Variants in LPIN1 observed in about 807,000 individuals in gnomAD.
The protein encoded by LPIN1 is lipin 1, also known as phosphatidate phosphatase LPIN1.
In LPIN1, 71 loss-of-function variants were observed where a neutral mutation model predicts 107.5. That is an observed-to-expected ratio of 0.66 (90% CI 0.55 to 0.80). The LOEUF (loss-of-function observed/expected upper bound fraction) is 0.80, where lower values mean the gene tolerates loss of function less well. LPIN1 is among the 30% of genes least tolerant of loss of function. The probability of loss-of-function intolerance (pLI) is 0.00; values close to 1 mark genes in which losing one functional copy is unlikely to be tolerated. For synonymous variants in LPIN1, 445 were observed against 452.6 expected (o/e 0.98, Z 0.21); for missense variants, 1,043 against 1,160.6 (o/e 0.90, Z 1.47).
chr2:11,753,807 A>T (rs761990810), intron 1 of LPIN1, among the ~76,000 whole-genome samples: 1 of 152,258 alleles, frequency 6.6e-6, no homozygotes, highest in African/African-American at 2.4e-5. Flanking sequence ...TGCAAGTCTT[A>T]TTAGTCATGA....
chr2:11,739,685 C>T (rs1223340442), intron 1 of LPIN1, among the ~76,000 whole-genome samples: 1 of 152,158 alleles, frequency 6.6e-6, no homozygotes, highest in Non-Finnish European at 1.5e-5. Flanking sequence ...AATCTAGCCA[C>T]CAACAGTACA....
upstream of LPIN1, among the ~76,000 whole-genome samples, chr2:11,719,764 T>A (rs1296486151): frequency 1.3e-5 from 2 of 151,194 alleles, no homozygotes; most frequent in Non-Finnish European, 2.9e-5. Context: ...AGAAATGCAC[T>A]GTGGTGGCTG....
At chr2:11,802,407 G>GAA (rs1195533524) in intron 14 of LPIN1, among the ~76,000 whole-genome samples, 4 of 152,124 alleles carry the variant, frequency 2.6e-5, no homozygotes, top group Admixed American at 2.6e-4. Context: ...AAGAATTGGT[G>GAA]AGTCTTTCTT....
intron 1 of LPIN1, among the ~76,000 whole-genome samples, chr2:11,699,657 T>A (rs1190415292): frequency 6.6e-6 from 1 of 152,170 alleles, no homozygotes; most frequent in Non-Finnish European, 1.5e-5. Flanking sequence ...AGCCACTCAC[T>A]GTTTCCTTAG....
intron 1 of LPIN1, among the ~76,000 whole-genome samples, chr2:11,700,806 C>T (rs577013014): frequency 3.3e-5 from 5 of 152,324 alleles, no homozygotes; most frequent in Admixed American, 1.3e-4. Flanking sequence ...ACGGAGCACA[C>T]GATTCGTCCT....
chr2:11,743,494 A>T (rs535855759), upstream of LPIN1, among the ~76,000 whole-genome samples: 2 of 152,150 alleles, frequency 1.3e-5, no homozygotes, highest in East Asian at 3.9e-4. This position sits in a 1 kb window ranked among gnomAD's most constrained non-coding sequence, Gnocchi z 4.7. Context: ...CCTGCCACCA[A>T]GGTAGTGAAG....
Position 11,694,312 on chromosome 2 carries a change from C to T in LPIN1, c.81+16584C>T, listed in dbSNP as rs774627768. 3.9e-5 allele frequency among the ~76,000 whole-genome samples: 6 copies of T among 152,128 alleles called. No homozygotes were observed. In the South Asian group the frequency reaches 6.2e-4, roughly 16 times the overall value. On this transcript the variant is annotated intron_variant, in intron 1 of 21. Transcript: ENST00000449576. ...TGAGGTTTAGGTTGTTATTGTTACT[C>T]GAGCCTATCTGAGAGGCTCATGCAA...
intron 1 of LPIN1, among the ~76,000 whole-genome samples, chr2:11,705,074 CA>C (rs1192845711): frequency 1.3e-5 from 2 of 152,190 alleles, no homozygotes; most frequent in Non-Finnish European, 2.9e-5. Context: ...CTACAGAGAT[CA>C]ATACCACCTT....
At position 11,821,565 on chromosome 2, in the gene LPIN1, G is replaced by A. The variant is rs114670557; in HGVS notation, c.2621+1051G>A. ...TTAGTGGCCCCAGATAGCCCGAGGGGTTCCTCTTTATCTGGAGGAGTTAGA... is the reference window on the plus strand; with the variant it reads ...TTAGTGGCCCCAGATAGCCCGAGGGATTCCTCTTTATCTGGAGGAGTTAGA... On this transcript the variant is annotated intron_variant, in intron 20 of 20. Coordinates refer to ENST00000674199, the MANE Select transcript of LPIN1 (RefSeq NM_001349206.2). 5.5e-3 allele frequency among the ~76,000 whole-genome samples: 840 copies of A among 152,296 alleles called. 8 individuals are homozygous for A. The highest frequency in any genetic ancestry group is 0.019 in the African/African-American group (792 of 41,558).
At chr2:11,686,666 C>T (rs1034332352) in intron 1 of LPIN1, among the ~76,000 whole-genome samples, 13 of 152,140 alleles carry the variant, frequency 8.5e-5, no homozygotes, top group Non-Finnish European at 1.3e-4. Flanking sequence ...CCTTCTCATG[C>T]GAGCGAGCAA....
rs577719784 is a variant in LPIN1 at position 11,802,895 on chromosome 2, T to C, written c.1887-12T>C. 17 of 1,612,666 alleles carry C rather than the reference T, an allele frequency of 1.1e-5. No homozygotes were observed. The African/African-American group carries it at 2.0e-4, about 19-fold the overall frequency. Reference sequence around the variant, plus strand: ...ATTTTCTAATTGGTGATGACATCACTGTGTGTTCCAGGGTAAAGCATGAAT... The same window carrying C: ...ATTTTCTAATTGGTGATGACATCACCGTGTGTTCCAGGGTAAAGCATGAAT... On this transcript the variant is annotated splice_polypyrimidine_tract_variant and intron_variant, in intron 14 of 20. Coordinates refer to ENST00000674199, the MANE Select transcript of LPIN1 (RefSeq NM_001349206.2).
At chr2:11,753,707 G>T (rs1181002472) in intron 1 of LPIN1, among the ~76,000 whole-genome samples, 1 of 152,222 alleles carries the variant, frequency 6.6e-6, no homozygotes, top group East Asian at 1.9e-4. Flanking sequence ...TTAAGTATCA[G>T]TCCACAATGC....
intron 1 of LPIN1, among the ~76,000 whole-genome samples, chr2:11,703,600 G>A (rs55864809): frequency 0.18 from 27,319 of 152,114 alleles, 3,182 homozygotes; most frequent in South Asian, 0.26. Context: ...AAACGGGCAC[G>A]TATCAAACTC....
Position 11,760,902 on chromosome 2 carries a change from T to TG in LPIN1, c.-9-4624dup, listed in dbSNP as rs574364599. Among the ~76,000 whole-genome samples, 360 of 151,766 alleles carry TG rather than the reference T, an allele frequency of 2.4e-3. 1 individual carries two copies. The highest frequency in any genetic ancestry group is 8.3e-3 in the African/African-American group (345 of 41,352). ...TGCAAGGGTGATGAAGGCAAAGAGA[T>TG]GGGGGGGACATGAGAAGGAGCTTCA... is the stretch of plus-strand genomic sequence containing the variant. On this transcript the variant is annotated intron_variant, in intron 1 of 20. Coordinates refer to ENST00000674199, the MANE Select transcript of LPIN1 (RefSeq NM_001349206.2).
intron 12 of LPIN1, among the ~76,000 whole-genome samples, chr2:11,789,963 C>T (rs1227117052): frequency 1.4e-5 from 2 of 146,020 alleles, no homozygotes; most frequent in African/African-American, 5.0e-5. Context: ...ATTTGCCCAT[C>T]TTATCTTTTA....
intron 1 of LPIN1, among the ~76,000 whole-genome samples, chr2:11,696,800 G>A (rs1014409415): frequency 1.1e-4 from 16 of 152,230 alleles, no homozygotes; most frequent in African/African-American, 3.6e-4. Context: ...GCTCCTTCCT[G>A]CTGCTTCATG....
chr2:11,692,403 A>T lies in LPIN1; in HGVS notation c.81+14675A>T, dbSNP rs555776342. ...TAAAATGGGTTGCTGTGCAGATTAA[A>T]CAAGGCAGTGCAGTGGTTCCCAAAT... is the stretch of plus-strand genomic sequence containing the variant. On this transcript the variant is annotated intron_variant, in intron 1 of 21. Transcript: ENST00000449576. 8.5e-5 allele frequency among the ~76,000 whole-genome samples: 13 copies of T among 152,248 alleles called. No individual in the cohort carries two copies. In the South Asian group the frequency reaches 2.1e-3, roughly 24 times the overall value.
chr2:11,727,215 C>CTT (rs1664754680), intron 1 of LPIN1, among the ~76,000 whole-genome samples: 1 of 152,132 alleles, frequency 6.6e-6, no homozygotes, highest in Non-Finnish European at 1.5e-5. Flanking sequence ...TTCTGTTTCC[C>CTT]TCTTTCTTTC....
Position 11,782,339 on chromosome 2 carries a change from C to T in LPIN1, c.1096C>T (p.Leu366Phe), listed in dbSNP as rs1673715222. 1 of 1,614,216 alleles carries T rather than the reference C, an allele frequency of 6.2e-7. No individual in the cohort carries two copies. Among genetic ancestry groups the T allele is most frequent in the African/African-American group, 1.3e-5 (1 of 75,062 alleles). ...DQSPTLVGGA[L>F]LDQNKPQTEM... ...ATCGCCAACTCTGGTCGGTGGGGCA[C>T]TTTTGGACCAGAACAAGCCTCAGAC... is the stretch of plus-strand genomic sequence containing the variant. Residue 366 changes from leucine to phenylalanine, a missense_variant, in exon 8 of 21, where the codon CTT becomes TTT. Coordinates refer to ENST00000674199, the MANE Select transcript of LPIN1 (RefSeq NM_001349206.2).
Sources: allele counts gnomAD v4.1 joint callset (sites outside exome capture counted in the v4.1 genomes callset), GRCh38; gene constraint gnomAD v4.1.1; non-coding constraint Gnocchi (gnomAD v3.1); transcripts MANE v1.5; gene names NCBI Gene and HGNC (gene_info 2026-07-23, HGNC 2026-07-21).